Variants in CTF1 observed in about 807,000 individuals in gnomAD.
The protein encoded by CTF1 is cardiotrophin 1.
CTF1 carries 9 observed loss-of-function variants against 10.9 expected under a neutral mutation model. The ratio of observed to expected loss-of-function variants is 0.83; its 90% CI spans 0.50 to 1.44. The LOEUF (loss-of-function observed/expected upper bound fraction) is 1.44. CTF1 is among the 40% of genes most tolerant of loss of function. The probability of loss-of-function intolerance (pLI) is 0.00; values close to 1 mark genes in which losing one functional copy is unlikely to be tolerated. For missense variants in CTF1, 259 were observed against 275.3 expected, an observed-to-expected ratio of 0.94 and a Z score of 0.42; for synonymous variants, 133 against 138.8, an observed-to-expected ratio of 0.96 and a Z score of 0.29.
chr16:30,900,542 T>C (rs1334278040), intron 2 of CTF1, among the ~76,000 whole-genome samples: 1 of 152,176 alleles, frequency 6.6e-6, no homozygotes, highest in Non-Finnish European at 1.5e-5. Context: ...GGCAGGAGGA[T>C]TGCTTGAGCT....
Position 30,902,429 on chromosome 16 carries a change from G to C in CTF1, c.496G>C (p.Gly166Arg). 1.4e-6 allele frequency: 2 copies of C among 1,404,224 alleles called. No homozygotes were observed. Among genetic ancestry groups the C allele is most frequent in the South Asian group, 1.4e-5 (1 of 69,246 alleles). The allele number at this position is 1,404,224 out of a possible 1,614,324, so 87.0% of individuals were successfully genotyped here. Residue 166 changes from glycine (G) to arginine (R), a missense_variant, in exon 3 of 3, where the codon GGG becomes CGG. Coordinates refer to ENST00000279804, the MANE Select transcript of CTF1 (RefSeq NM_001330.5). ...CACCGCCTCAGCCGCCTCCGCCACC[G>C]GGGTCTTCCCCGCCAAGGTGCTGGG... is the stretch of plus-strand genomic sequence containing the variant. ...AATASAASAT[G>R]VFPAKVLGLR...
At chr16:30,901,571 A>T (rs912608156) in intron 2 of CTF1, among the ~76,000 whole-genome samples, 2 of 151,932 alleles carry the variant, frequency 1.3e-5, no homozygotes, top group African/African-American at 4.8e-5. Flanking sequence ...TGCTGTTATT[A>T]GGTCCTATTT....
intron 1 of CTF1, 64 bp downstream of exon 1, chr16:30,896,732 C>T: frequency 8.1e-7 from 1 of 1,236,708 alleles, no homozygotes; most frequent in Non-Finnish European, 1.0e-6. Context: ...GGATTGGGAG[C>T]TGGGGGTCTG....
At position 30,896,818 on chromosome 16, in the gene CTF1, G is replaced by C. The variant is rs1011323735; in HGVS notation, c.25+150G>C. 2.5e-5 allele frequency: 15 copies of C among 601,112 alleles called. No homozygotes were observed. In the African/African-American group the frequency reaches 2.5e-4, roughly 10 times the overall value. The allele number at this position is 601,112 out of a possible 1,614,324, so 37.2% of individuals were successfully genotyped here. A position where few individuals can be genotyped will look rare whatever the true frequency, so the allele number is the denominator to read the frequency against. The stretch of plus-strand genomic sequence containing the variant: ...GCAGGGCTCCGGTGTCAGGTAACGA[G>C]TGAGCGGGTGAGTTGTGAGAAACAG... On this transcript the variant is annotated intron_variant, in intron 1 of 2. Coordinates refer to ENST00000279804, the MANE Select transcript of CTF1 (RefSeq NM_001330.5).
At chr16:30,899,113 C>G (rs1252529580) in intron 1 of CTF1, among the ~76,000 whole-genome samples, 2 of 152,206 alleles carry the variant, frequency 1.3e-5, no homozygotes, top group Non-Finnish European at 2.9e-5. Flanking sequence ...TAAATACACT[C>G]TACGATGTAT....
intron 2 of CTF1, among the ~76,000 whole-genome samples, chr16:30,901,698 C>A (rs2055401088): frequency 6.6e-6 from 1 of 151,536 alleles, no homozygotes; most frequent in South Asian, 2.1e-4. Flanking sequence ...TCAGCCTCAG[C>A]CTCCGGAACA....
chr16:30,900,562 G>A (rs548346245), intron 2 of CTF1, among the ~76,000 whole-genome samples: 19 of 152,122 alleles, frequency 1.2e-4, no homozygotes, highest in Admixed American at 9.8e-4. Context: ...TCGGGAGTTC[G>A]AGACCAGCCT....
In CTF1 at chr16:30,902,367, C is replaced by A. The variant is rs1361806366; in HGVS notation, c.434C>A (p.Ala145Asp). ...AVEALLAALG[A>D]ANRGPRAEPP... ...GAGGCCTTGCTGGCCGCGCTGGGCGCCGCCAACCGCGGGCCCCGGGCCGAG... is the reference window on the plus strand; with the variant it reads ...GAGGCCTTGCTGGCCGCGCTGGGCGACGCCAACCGCGGGCCCCGGGCCGAG... Residue 145 changes from alanine to aspartate, a missense_variant, in exon 3 of 3, where the codon GCC (alanine) becomes GAC (aspartate). Ala to Asp is a moderately radical substitution (Grantham distance 126, BLOSUM62 -2). Transcript: ENST00000279804. 9 of 1,182,086 alleles carry A rather than the reference C, an allele frequency of 7.6e-6. No homozygotes were observed. The highest frequency in any genetic ancestry group is 9.4e-6 in the Non-Finnish European group (9 of 958,878). The allele number at this position is 1,182,086 out of a possible 1,614,324, so 73.2% of individuals were successfully genotyped here.
chr16:30,901,158 G>A (rs2055397574), intron 2 of CTF1, among the ~76,000 whole-genome samples: 1 of 152,162 alleles, frequency 6.6e-6, no homozygotes, highest in Admixed American at 6.5e-5. Context: ...CTCCCAGAGT[G>A]CCTGGATTAC....
chr16:30,896,697 T>G, intron 1 of CTF1, 29 bp downstream of exon 1: 1 of 1,251,318 alleles, frequency 8.0e-7, no homozygotes, highest in East Asian at 3.2e-5. Flanking sequence ...GGACGCCGGG[T>G]CGCTGAGGGG....
At chr16:30,900,856 A>AG (rs1375226636) in intron 2 of CTF1, among the ~76,000 whole-genome samples, 2 of 151,892 alleles carry the variant, frequency 1.3e-5, no homozygotes, top group Non-Finnish European at 2.9e-5. Flanking sequence ...GCCACTTCCT[A>AG]GGGTAAGTCA....
At chr16:30,900,459 G>A (rs2055391482) in intron 2 of CTF1, among the ~76,000 whole-genome samples, 1 of 152,150 alleles carries the variant, frequency 6.6e-6, no homozygotes. Context: ...TGGGAGAATA[G>A]TGGCATAATA....
chr16:30,902,042 C>T (rs2055404644), intron 2 of CTF1, 36 bp from the exon 3 acceptor site: 1 of 1,429,466 alleles, frequency 7.0e-7, no homozygotes, highest in Non-Finnish European at 9.2e-7. Context: ...GCCCGTGCTC[C>T]GGGGCCCCGC....
In CTF1 at chr16:30,899,480, C is replaced by G. The variant is rs756135625; in HGVS notation, c.91C>G (p.His31Asp). 1 of 1,613,468 alleles carries G rather than the reference C, an allele frequency of 6.2e-7. No homozygotes were observed. The highest frequency in any genetic ancestry group is 1.1e-5 in the South Asian group (1 of 91,050). ...CTTGGAGGCCAAGATCCGTCAGACA[C>G]ACAGCCTTGCGCACCTCCTCACCAA... ...PHLEAKIRQT[H>D]SLAHLLTKYA... The change falls in exon 2 of 3, where the codon CAC becomes GAC. Residue 31 changes from histidine (H) to aspartate (D), a missense_variant. By Grantham distance (81) the His-to-Asp change is moderately conservative (BLOSUM62 -1). Transcript: ENST00000279804.
intron 2 of CTF1, among the ~76,000 whole-genome samples, chr16:30,901,812 G>A (rs1426426180): frequency 1.4e-5 from 2 of 147,204 alleles, no homozygotes; most frequent in African/African-American, 5.0e-5. Context: ...TCGAACCCCT[G>A]GGCTCAAGTG....
At position 30,902,487 on chromosome 16, in the gene CTF1, T is replaced by G. The variant is rs1567331478; in HGVS notation, c.554T>G (p.Leu185Arg). The change falls in exon 3 of 3, where the codon CTG becomes CGG. Residue 185 changes from leucine to arginine, a missense_variant. By Grantham distance (102) the Leu-to-Arg change is moderately radical. Coordinates refer to ENST00000279804, the MANE Select transcript of CTF1 (RefSeq NM_001330.5). Reference sequence around the variant, plus strand: ...GTTTGCGGCCTCTACCGCGAGTGGCTGAGCCGCACCGAGGGCGACCTGGGC... The same window carrying G: ...GTTTGCGGCCTCTACCGCGAGTGGCGGAGCCGCACCGAGGGCGACCTGGGC... The part of the protein sequence containing the change: ...LRVCGLYREW[L>R]SRTEGDLGQL... The G allele has an allele frequency of 6.7e-7, 1 of 1,482,872 alleles. No homozygotes were observed. 91.9% of individuals were successfully genotyped at this position (1,482,872 alleles called of 1,614,324 possible).
intron 1 of CTF1, among the ~76,000 whole-genome samples, chr16:30,897,486 C>G (rs1050831081): frequency 6.6e-6 from 1 of 152,050 alleles, no homozygotes; most frequent in East Asian, 1.9e-4. Flanking sequence ...AAAGAGCTAC[C>G]CTGGAACTCA....
chr16:30,900,540 G>A (rs1384616114), intron 2 of CTF1, among the ~76,000 whole-genome samples: 2 of 152,176 alleles, frequency 1.3e-5, no homozygotes, highest in East Asian at 1.9e-4. Context: ...GAGGCAGGAG[G>A]ATTGCTTGAG....
chr16:30,896,390 A>ACACCCCCAGCCCCGAGGTCCTGT (rs2055348691), upstream of CTF1, among the ~76,000 whole-genome samples: 1 of 152,142 alleles, frequency 6.6e-6, no homozygotes, highest in Admixed American at 6.5e-5. Context: ...CCAGGCCCTG[A>ACACCCCCAGCCCCGAGGTCCTGT]CACCCCCAGC....
Sources: allele counts gnomAD v4.1 joint callset (sites outside exome capture counted in the v4.1 genomes callset), GRCh38; gene constraint gnomAD v4.1.1; transcripts MANE v1.5; gene names NCBI Gene and HGNC (gene_info 2026-07-23, HGNC 2026-07-21).